The following SPAG16 variants were observed in gnomAD, a reference collection of about 807,000 sequenced individuals.
The protein encoded by SPAG16 is sperm-associated antigen 16 protein.
Under a neutral mutation model 80.4 loss-of-function variants are expected in SPAG16, and 86 were observed. The observed-to-expected ratio is 1.07, with a 90% CI of 0.90 to 1.28. SPAG16 has a LOEUF of 1.28. Ranked by LOEUF, SPAG16 falls within the 50% of genes most tolerant of loss-of-function variation. The probability of loss-of-function intolerance (pLI) is 0.00; values close to 1 mark genes in which losing one functional copy is unlikely to be tolerated. For missense variants in SPAG16, 870 were observed against 765.3 expected (o/e 1.14, Z -1.61); for synonymous variants, 294 against 265.9 (o/e 1.11, Z -1.03).
chr2:214,007,216 T>G (rs893603667), intron 12 of SPAG16, among the ~76,000 whole-genome samples: 4 of 152,184 alleles, frequency 2.6e-5, no homozygotes, highest in African/African-American at 9.7e-5. Flanking sequence ...AAAATAATTT[T>G]TAGTCTAATT....
At chr2:213,372,408 T>C (rs956544089) in intron 8 of SPAG16, among the ~76,000 whole-genome samples, 2 of 152,112 alleles carry the variant, frequency 1.3e-5, no homozygotes, top group African/African-American at 2.4e-5. Context: ...ATGTCATATA[T>C]AGTAAAGCAA....
chr2:213,295,904 C>A, intron 1 of SPAG16, 160 bp from the exon 2 acceptor site: 2 of 501,612 alleles, frequency 4.0e-6, no homozygotes, highest in Non-Finnish European at 7.1e-6. Flanking sequence ...GATTTATAGG[C>A]TATATGGGGA....
chr2:213,337,991 A>T (rs889928180), intron 5 of SPAG16, among the ~76,000 whole-genome samples: 1 of 152,198 alleles, frequency 6.6e-6, no homozygotes, highest in Non-Finnish European at 1.5e-5. Flanking sequence ...GGTCACCTAT[A>T]AAGGGAAGCC....
At chr2:213,981,462 A>G (rs1011976815) in intron 12 of SPAG16, among the ~76,000 whole-genome samples, 3 of 152,060 alleles carry the variant, frequency 2.0e-5, no homozygotes, top group Non-Finnish European at 2.9e-5. Flanking sequence ...TATGTTCCCA[A>G]TAATTAAGTT....
chr2:214,216,162 A>G (rs1349998109), intron 15 of SPAG16, among the ~76,000 whole-genome samples: 1 of 152,202 alleles, frequency 6.6e-6, no homozygotes, highest in Non-Finnish European at 1.5e-5. Context: ...ATTGATTGGG[A>G]TTGAAAATTA....
chr2:214,179,138 C>T (rs533823073), intron 15 of SPAG16, among the ~76,000 whole-genome samples: 4 of 151,286 alleles, frequency 2.6e-5, no homozygotes, highest in Non-Finnish European at 5.9e-5. Flanking sequence ...ATCATCTAGC[C>T]TGTAGGAATT....
chr2:214,246,792 A>C (rs1559153189), intron 15 of SPAG16, among the ~76,000 whole-genome samples: 1 of 152,088 alleles, frequency 6.6e-6, no homozygotes, highest in African/African-American at 2.4e-5. Flanking sequence ...TATTTTGGAG[A>C]TATTTTTAAT....
rs113973895 is a variant in SPAG16, at chr2:213,429,699, AT to A, written c.942+54583del. ...CTGGTACACCACTACTACAACCAACATTTGAGAAAGCTACCACCCTAAGGCT... is the reference window on the plus strand; with the variant it reads ...CTGGTACACCACTACTACAACCAACATTGAGAAAGCTACCACCCTAAGGCT... On this transcript the variant is annotated intron_variant, in intron 9 of 15. Coordinates refer to ENST00000331683, the MANE Select transcript of SPAG16 (RefSeq NM_024532.5). 8.7e-3 allele frequency among the ~76,000 whole-genome samples: 1,320 copies of A among 152,294 alleles called. 21 individuals carry two copies. The highest frequency in any genetic ancestry group is 0.03 in the African/African-American group (1,232 of 41,560).
At chr2:214,146,367 A>T (rs905852782) in intron 14 of SPAG16, among the ~76,000 whole-genome samples, 2 of 152,202 alleles carry the variant, frequency 1.3e-5, no homozygotes, top group African/African-American at 4.8e-5. Context: ...GATACAGGGC[A>T]TTAGAATATT....
intron 11 of SPAG16, among the ~76,000 whole-genome samples, chr2:213,885,301 A>C (rs914990981): frequency 6.6e-6 from 1 of 152,156 alleles, no homozygotes; most frequent in Non-Finnish European, 1.5e-5. Context: ...ACCAGTAGAT[A>C]TGGTTATACT....
At position 213,387,616 on chromosome 2, in the gene SPAG16, G is replaced by A. The variant is rs368512501; in HGVS notation, c.942+12497G>A. Among the ~76,000 whole-genome samples, 4 of 143,596 alleles carry A rather than the reference G, an allele frequency of 2.8e-5. No homozygotes were observed. The East Asian group carries it at 6.1e-4, about 22-fold the overall frequency. 94.2% of individuals were successfully genotyped at this position (143,596 alleles called of 152,430 possible). A position where few individuals can be genotyped will look rare whatever the true frequency, so the allele number is the denominator to read the frequency against. On this transcript the variant is annotated intron_variant, in intron 9 of 15. Coordinates refer to ENST00000331683, the MANE Select transcript of SPAG16 (RefSeq NM_024532.5). ...ACTACAGGCGCCCGCCACCACGCCC[G>A]GCTAATTTTTTGTATTTTTAGTAGA...
At chr2:214,121,021 C>T (rs2054194863) in intron 14 of SPAG16, among the ~76,000 whole-genome samples, 1 of 151,682 alleles carries the variant, frequency 6.6e-6, no homozygotes, top group African/African-American at 2.4e-5. Context: ...CATCTAGATG[C>T]AGAAGTAGAA....
intron 15 of SPAG16, chr2:214,238,168 C>A: frequency 2.3e-6 from 1 of 437,152 alleles, no homozygotes; most frequent in Non-Finnish European, 4.5e-6. Flanking sequence ...ACTAGGAGCT[C>A]AGATATATTA....
intron 3 of SPAG16, among the ~76,000 whole-genome samples, chr2:213,297,727 A>G (rs1235944953): frequency 6.6e-6 from 1 of 152,182 alleles, no homozygotes; most frequent in Non-Finnish European, 1.5e-5. Context: ...ACATGAAAGT[A>G]TTAATCTTAC....
At position 213,782,800 on chromosome 2, in the gene SPAG16, G is replaced by T. The variant is rs370144610; in HGVS notation, c.1071-79685G>T. 1.6e-4 allele frequency among the ~76,000 whole-genome samples: 24 copies of T among 152,224 alleles called. No homozygotes were observed. In the South Asian group the frequency reaches 5.0e-3, roughly 32 times the overall value. ...TCACTATGCCATACTTTTATTTTTT[G>T]CAGATAGATGTTCTAAAAGTAAGAA... On this transcript the variant is annotated intron_variant, in intron 10 of 15. Coordinates refer to ENST00000331683, the MANE Select transcript of SPAG16 (RefSeq NM_024532.5).
intron 11 of SPAG16, among the ~76,000 whole-genome samples, chr2:213,894,779 A>G (rs1255840067): frequency 4.0e-5 from 6 of 151,874 alleles, no homozygotes; most frequent in Admixed American, 2.0e-4. Context: ...TCACGAGGTC[A>G]GGAGATTGAG....
intron 12 of SPAG16, among the ~76,000 whole-genome samples, chr2:213,976,842 T>A (rs2045435072): frequency 6.6e-6 from 1 of 152,070 alleles, no homozygotes. Flanking sequence ...TTTGTTTGTT[T>A]GTTTTTTCCT....
At position 213,504,548 on chromosome 2, in the gene SPAG16, A is replaced by G. The variant is rs184708177; in HGVS notation, c.1070+14458A>G. The stretch of plus-strand genomic sequence containing the variant: ...TTATATGCCTAGTAAACAAAAATAT[A>G]TTAGAAGATAAAGAAGGCTTGTTGG... On this transcript the variant is annotated intron_variant, in intron 10 of 15. Transcript: ENST00000331683. Among the ~76,000 whole-genome samples, 7 of 152,300 alleles carry G rather than the reference A, an allele frequency of 4.6e-5. 1 individual carries two copies. Among genetic ancestry groups the G allele is most frequent in the African/African-American group, 1.7e-4 (7 of 41,578 alleles).
At chr2:213,978,126 T>C (rs1436118393) in intron 12 of SPAG16, among the ~76,000 whole-genome samples, 3 of 152,032 alleles carry the variant, frequency 2.0e-5, no homozygotes, top group African/African-American at 7.2e-5. Flanking sequence ...CATTGGATTC[T>C]ACTAATTCTA....
Sources: allele counts gnomAD v4.1 joint callset (sites outside exome capture counted in the v4.1 genomes callset), GRCh38; gene constraint gnomAD v4.1.1; transcripts MANE v1.5; gene names NCBI Gene and HGNC (gene_info 2026-07-23, HGNC 2026-07-21).